The following RBFOX1 variants were observed in gnomAD, a reference collection of about 807,000 sequenced individuals.
RBFOX1 encodes RNA binding protein fox-1 homolog 1.
In RBFOX1, 8 loss-of-function variants were observed where a neutral mutation model predicts 57.7. The ratio of observed to expected loss-of-function variants is 0.14; its 90% CI spans 0.08 to 0.25. The LOEUF (loss-of-function observed/expected upper bound fraction) is 0.25, where lower values mean the gene tolerates loss of function less well. RBFOX1 is among the 10% of genes least tolerant of loss of function. The pLI, the probability that RBFOX1 is intolerant of heterozygous loss-of-function variation, is 1.00. For synonymous variants in RBFOX1, 326 were observed against 222.4 expected (o/e 1.47, Z -4.15); for missense variants, 611 against 548.5 (o/e 1.11, Z -1.14).
rs951069434 is a variant in RBFOX1 at position 6,812,517 on chromosome 16, G to A, written c.-16+157867G>A. ...GCCTACTGAGTAGCTGGGATTACAG[G>A]CACATGACACCACGCCCAGCTAATT... On this transcript the variant is annotated intron_variant, in intron 3 of 15. Coordinates refer to ENST00000550418, the MANE Select transcript of RBFOX1 (RefSeq NM_018723.4). Among the ~76,000 whole-genome samples the A allele has an allele frequency of 2.0e-5, 3 of 152,000 alleles. No homozygotes were observed. The South Asian group carries it at 6.2e-4, about 32-fold the overall frequency.
In RBFOX1 at chr16:5,758,368, C is replaced by G. The variant is rs142416215; in HGVS notation, c.319-108935C>G. On this transcript the variant is annotated intron_variant, in intron 3 of 19. Coordinates refer to the RBFOX1 transcript ENST00000641259. ...TGGAGCACGGAGACCTGGAGATGCTCTTGTAACTGCGAGCTTGGTCCCTAG... is the reference window on the plus strand; with the variant it reads ...TGGAGCACGGAGACCTGGAGATGCTGTTGTAACTGCGAGCTTGGTCCCTAG... 1.0e-2 allele frequency among the ~76,000 whole-genome samples: 1,515 copies of G among 152,234 alleles called. 15 individuals carry two copies. Among genetic ancestry groups the G allele is most frequent in the Non-Finnish European group, 0.016 (1,061 of 68,024 alleles).
intron 4 of RBFOX1, among the ~76,000 whole-genome samples, chr16:7,194,316 T>C (rs1044478977): frequency 6.6e-6 from 1 of 152,208 alleles, no homozygotes; most frequent in African/African-American, 2.4e-5. Flanking sequence ...GATATTGTTA[T>C]TTTATCATTT....
At chr16:7,208,516 G>C (rs1305104831) in intron 4 of RBFOX1, among the ~76,000 whole-genome samples, 6 of 152,130 alleles carry the variant, frequency 3.9e-5, no homozygotes, top group African/African-American at 1.4e-4. Context: ...GCAAGAGATA[G>C]TGGGGAGGAG....
intron 1 of RBFOX1, among the ~76,000 whole-genome samples, chr16:5,427,145 G>T (rs1022427109): frequency 6.6e-6 from 1 of 152,234 alleles, no homozygotes. Flanking sequence ...CTGTGTTCTG[G>T]AAGTAAGGTT....
intron 5 of RBFOX1, among the ~76,000 whole-genome samples, chr16:7,549,195 A>C (rs997863930): frequency 1.3e-5 from 2 of 152,184 alleles, no homozygotes; most frequent in Non-Finnish European, 2.9e-5. Context: ...CCCTCGAAAT[A>C]TTTACAGAGT....
chr16:6,203,779 G>A (rs1175252534), intron 1 of RBFOX1, among the ~76,000 whole-genome samples: 1 of 152,166 alleles, frequency 6.6e-6, no homozygotes, highest in East Asian at 1.9e-4. Flanking sequence ...AGCCACAATG[G>A]AAAGCAGTTT....
intron 4 of RBFOX1, among the ~76,000 whole-genome samples, chr16:7,247,658 C>T (rs1367571802): frequency 1.3e-5 from 2 of 152,222 alleles, no homozygotes; most frequent in Admixed American, 1.3e-4. Flanking sequence ...ACATTAGTGA[C>T]TGCTTGTCAT....
chr16:7,267,755 C>G (rs552150798), intron 4 of RBFOX1, among the ~76,000 whole-genome samples: 2 of 151,996 alleles, frequency 1.3e-5, no homozygotes, highest in African/African-American at 2.4e-5. Flanking sequence ...ACTTGGGAGG[C>G]TGAGGTGGGA....
intron 1 of RBFOX1, among the ~76,000 whole-genome samples, chr16:6,172,642 A>G (rs942215555): frequency 2.0e-5 from 3 of 152,176 alleles, no homozygotes; most frequent in Non-Finnish European, 2.9e-5. Flanking sequence ...TATTCAATGT[A>G]GAAACTTCAT....
chr16:6,917,397 T>C (rs1216891111), intron 3 of RBFOX1, among the ~76,000 whole-genome samples: 1 of 152,226 alleles, frequency 6.6e-6, no homozygotes, highest in African/African-American at 2.4e-5. Flanking sequence ...AGTGTAGCTC[T>C]ATATCTTATA....
At chr16:6,889,646 C>G (rs2153370392) in intron 3 of RBFOX1, among the ~76,000 whole-genome samples, 1 of 152,296 alleles carries the variant, frequency 6.6e-6, no homozygotes, top group African/African-American at 2.4e-5. Flanking sequence ...TAAGCCCATC[C>G]TCAATCCACC....
intron 3 of RBFOX1, among the ~76,000 whole-genome samples, chr16:6,961,165 A>ACACACACACACAC (rs1461621694): frequency 4.6e-5 from 7 of 150,686 alleles, no homozygotes; most frequent in Admixed American, 6.6e-5. Context: ...ACACACACGC[A>ACACACACACACAC]AAAGAAAGAA....
intron 3 of RBFOX1, among the ~76,000 whole-genome samples, chr16:5,772,798 C>G (rs1402332064): frequency 6.6e-6 from 1 of 152,108 alleles, no homozygotes; most frequent in Non-Finnish European, 1.5e-5. Context: ...AAATAATAGC[C>G]TGGTGGAAAG....
chr16:5,890,288 G>A (rs370184592), intron 4 of RBFOX1, among the ~76,000 whole-genome samples: 1 of 152,188 alleles, frequency 6.6e-6, no homozygotes, highest in Non-Finnish European at 1.5e-5. Context: ...TGGGCAAGGT[G>A]CCTCTTTCAT....
At chr16:6,958,611 C>A (rs1010852456) in intron 3 of RBFOX1, among the ~76,000 whole-genome samples, 1 of 152,168 alleles carries the variant, frequency 6.6e-6, no homozygotes, top group African/African-American at 2.4e-5. Context: ...GGAACGCACG[C>A]TCAGAGTAGG....
chr16:6,748,328 TACAC>T (rs1028958111), intron 3 of RBFOX1, among the ~76,000 whole-genome samples: 40 of 151,964 alleles, frequency 2.6e-4, no homozygotes, highest in African/African-American at 8.4e-4. Flanking sequence ...TACGTACACA[TACAC>T]ATATAACTAT....
intron 1 of RBFOX1, among the ~76,000 whole-genome samples, chr16:5,440,868 G>A (rs2068063163): frequency 6.6e-6 from 1 of 152,152 alleles, no homozygotes; most frequent in Admixed American, 6.5e-5. Context: ...TACTATTTGA[G>A]GCTATTGAGG....
intron 4 of RBFOX1, among the ~76,000 whole-genome samples, chr16:7,224,023 G>A (rs1202562132): frequency 2.7e-5 from 4 of 146,130 alleles, no homozygotes; most frequent in African/African-American, 1.0e-4. Context: ...TATTATTTAT[G>A]CATATGTTGT....
chr16:6,256,197 G>GTATATA (rs1567788091), intron 1 of RBFOX1, among the ~76,000 whole-genome samples: 6 of 45,342 alleles, frequency 1.3e-4, no homozygotes, highest in East Asian at 6.3e-4. Context: ...GTATATATAT[G>GTATATA]TATATGTATA....
Sources: allele counts gnomAD v4.1 joint callset (sites outside exome capture counted in the v4.1 genomes callset), GRCh38; gene constraint gnomAD v4.1.1; transcripts MANE v1.5; gene names NCBI Gene and HGNC (gene_info 2026-07-23, HGNC 2026-07-21).